Variants in SEZ6L observed in about 807,000 individuals in gnomAD.
SEZ6L encodes seizure 6-like protein.
SEZ6L carries 37 observed loss-of-function variants against 106.2 expected under a neutral mutation model. That is an observed-to-expected ratio of 0.35 (90% CI 0.27 to 0.46). The LOEUF is 0.46. Among genes scored for constraint, SEZ6L ranks in the 20% least tolerant of loss-of-function variants. SEZ6L has a pLI of 1.00. For missense variants in SEZ6L, 1,172 were observed against 1,332.8 expected (o/e 0.88, Z 1.88); for synonymous variants, 541 against 570.4 (o/e 0.95, Z 0.73).
At chr22:26,293,726 T>C (rs994162126) in intron 2 of SEZ6L, among the ~76,000 whole-genome samples, 4 of 152,222 alleles carry the variant, frequency 2.6e-5, no homozygotes, top group African/African-American at 9.6e-5. Flanking sequence ...AACCTTTTCA[T>C]CTTGGAACGG....
chr22:26,274,993 C>T (rs1251334909), intron 1 of SEZ6L, among the ~76,000 whole-genome samples: 3 of 152,206 alleles, frequency 2.0e-5, no homozygotes, highest in Non-Finnish European at 2.9e-5. Context: ...CTAACACTGG[C>T]ATTGCCCAAG....
At chr22:26,230,896 C>T (rs1008554942) in intron 1 of SEZ6L, among the ~76,000 whole-genome samples, 2 of 152,190 alleles carry the variant, frequency 1.3e-5, no homozygotes, top group Non-Finnish European at 2.9e-5. Flanking sequence ...TGATTATTGA[C>T]GAGGCCAGCA....
At chr22:26,347,098 A>C (rs928446631) in intron 10 of SEZ6L, among the ~76,000 whole-genome samples, 2 of 151,810 alleles carry the variant, frequency 1.3e-5, no homozygotes, top group African/African-American at 4.8e-5. Flanking sequence ...TGAGAGGCTG[A>C]AGTGGGAGGA....
At chr22:26,200,900 G>T (rs1254021384) in intron 1 of SEZ6L, among the ~76,000 whole-genome samples, 1 of 151,964 alleles carries the variant, frequency 6.6e-6, no homozygotes, top group African/African-American at 2.4e-5. Context: ...CTCAGCCTTT[G>T]TTCAAGCTGG....
chr22:26,363,512 G>A (rs963064888), intron 12 of SEZ6L, among the ~76,000 whole-genome samples: 1 of 152,140 alleles, frequency 6.6e-6, no homozygotes, highest in Non-Finnish European at 1.5e-5. Flanking sequence ...TTAAAGCCTG[G>A]GAAAGAAGTG....
At chr22:26,356,755 G>A (rs1414461078) in intron 12 of SEZ6L, among the ~76,000 whole-genome samples, 1 of 151,882 alleles carries the variant, frequency 6.6e-6, no homozygotes, top group Non-Finnish European at 1.5e-5. Context: ...TTAAACGTTA[G>A]GATCAGATGG....
chr22:26,264,919 C>A (rs1163658593), intron 1 of SEZ6L, among the ~76,000 whole-genome samples: 2 of 152,166 alleles, frequency 1.3e-5, no homozygotes, highest in African/African-American at 2.4e-5. Flanking sequence ...TATTTCCTCC[C>A]TTCCTTGTAT....
At chr22:26,275,391 G>A (rs1306815174) in intron 1 of SEZ6L, among the ~76,000 whole-genome samples, 2 of 152,206 alleles carry the variant, frequency 1.3e-5, no homozygotes, top group Non-Finnish European at 2.9e-5. Context: ...TGTTCAGTAG[G>A]TTAGGTGTAT....
intron 1 of SEZ6L, among the ~76,000 whole-genome samples, chr22:26,183,417 G>C (rs1238692270): frequency 6.6e-6 from 1 of 152,088 alleles, no homozygotes; most frequent in African/African-American, 2.4e-5. Context: ...TCCGGGCAGG[G>C]GGCAACTTTC....
intron 1 of SEZ6L, among the ~76,000 whole-genome samples, chr22:26,291,730 A>G (rs1423713970): frequency 6.6e-6 from 1 of 152,172 alleles, no homozygotes; most frequent in East Asian, 1.9e-4. Context: ...TTGTACAGGG[A>G]ACAATCTGCC....
chr22:26,276,415 C>T (rs1382296148), intron 1 of SEZ6L, among the ~76,000 whole-genome samples: 1 of 152,156 alleles, frequency 6.6e-6, no homozygotes, highest in Non-Finnish European at 1.5e-5. Context: ...CTTGTAAGTA[C>T]CTGGGAAGGT....
intron 16 of SEZ6L, 55 bp from the exon 17 acceptor site, chr22:26,380,211 G>C (rs946845977): frequency 1.9e-6 from 3 of 1,571,612 alleles, no homozygotes; most frequent in Non-Finnish European, 2.6e-6. Flanking sequence ...ATCCCCCTAT[G>C]TATATCACTC....
chr22:26,180,271 C>A (rs532369844), intron 1 of SEZ6L, among the ~76,000 whole-genome samples: 1 of 152,272 alleles, frequency 6.6e-6, no homozygotes, highest in East Asian at 1.9e-4. Flanking sequence ...ACCCTTTTGC[C>A]AGTTAAGACA....
intron 1 of SEZ6L, among the ~76,000 whole-genome samples, chr22:26,213,779 G>A (rs2078225858): frequency 6.6e-6 from 1 of 152,186 alleles, no homozygotes; most frequent in Admixed American, 6.5e-5. Flanking sequence ...AAATTAGCTG[G>A]GTGTAGTGCC....
Position 26,169,777 on chromosome 22 carries a change from GGGGCGGGGC to G in SEZ6L, c.94+19_94+27del. The G allele has an allele frequency of 8.2e-7, 1 of 1,224,996 alleles. No individual in the cohort carries two copies. Among genetic ancestry groups the G allele is most frequent in the Non-Finnish European group, 1.0e-6 (1 of 976,862 alleles). The allele number at this position is 1,224,996 out of a possible 1,614,324, so 75.9% of individuals were successfully genotyped here. ...CGCTGGAGCGAGGTAAGCGCCCCGA[GGGGCGGGGC>G]GGGCAGGGGGCAAAGTTGCCGGGAG... is the stretch of plus-strand genomic sequence containing the variant. On this transcript the variant is annotated intron_variant, in intron 1 of 16. Coordinates refer to ENST00000248933, the MANE Select transcript of SEZ6L (RefSeq NM_021115.5).
chr22:26,270,852 C>T (rs1324366559), intron 1 of SEZ6L, among the ~76,000 whole-genome samples: 1 of 152,130 alleles, frequency 6.6e-6, no homozygotes, highest in Non-Finnish European at 1.5e-5. Context: ...CTCGAGCTTC[C>T]AACCCTCATA....
Position 26,292,674 on chromosome 22 carries a change from G to A in SEZ6L, c.363G>A (p.Ser121=), listed in dbSNP as rs376407598. ...TGCCCCCCAAGAAGAAACTGCCTTC[G>A]CTCAAGCAGGTGAACTCTGCCAGGA... The part of the protein sequence containing the change: ...HALPPKKKLP[S]LKQVNSARKQ... The change falls in exon 2 of 17, where the codon TCG becomes TCA. Residue 121 remains serine (S), a synonymous_variant. Coordinates refer to ENST00000248933, the MANE Select transcript of SEZ6L (RefSeq NM_021115.5). 21 of 1,613,316 alleles carry A rather than the reference G, an allele frequency of 1.3e-5. No individual in the cohort carries two copies. In the Admixed American group the frequency reaches 2.5e-4, roughly 19 times the overall value.
chr22:26,313,980 T>C, intron 9 of SEZ6L, 78 bp downstream of exon 9: 2 of 1,441,648 alleles, frequency 1.4e-6, no homozygotes, highest in South Asian at 2.5e-5. Context: ...TGCTTTATTC[T>C]TTCAACCAAT....
intron 1 of SEZ6L, among the ~76,000 whole-genome samples, chr22:26,242,339 G>A (rs2079163954): frequency 6.6e-6 from 1 of 152,220 alleles, no homozygotes; most frequent in African/African-American, 2.4e-5. Context: ...GAGGCACACT[G>A]CCCTGGGCTC....
Sources: gnomAD v4.1 joint callset for allele counts (sites outside exome capture counted in the v4.1 genomes callset) on GRCh38, gnomAD v4.1.1 for gene constraint, MANE v1.5 for transcripts, NCBI Gene and HGNC (gene_info 2026-07-23, HGNC 2026-07-21) for gene names.